Variants in KHDRBS1 observed in about 807,000 individuals in gnomAD.
KHDRBS1 encodes KH RNA binding domain containing, signal transduction associated 1.
In KHDRBS1, 7 loss-of-function variants were observed where a neutral mutation model predicts 48.4. The observed-to-expected ratio is 0.14, with a 90% CI of 0.08 to 0.27. The LOEUF is 0.27. KHDRBS1 is among the 10% of genes least tolerant of loss of function. The pLI is 1.00. For missense variants in KHDRBS1, 458 were observed against 601.2 expected (o/e 0.76, Z 2.49); for synonymous variants, 241 against 235.8 (o/e 1.02, Z -0.20).
At chr1:32,050,323 T>C (rs1356866283) in intron 10 of KHDRBS1, among the ~76,000 whole-genome samples, 1 of 152,230 alleles carries the variant, frequency 6.6e-6, no homozygotes, top group African/African-American at 2.4e-5. Flanking sequence ...TTGCAAATAT[T>C]TTCTCCCATT....
intron 1 of KHDRBS1, among the ~76,000 whole-genome samples, chr1:32,023,834 C>T (rs1222339136): frequency 3.9e-5 from 6 of 152,208 alleles, no homozygotes; most frequent in Admixed American, 3.9e-4. Flanking sequence ...CTTTAGGCCA[C>T]ATGCCAGTGT....
At chr1:32,059,163 GAGAA>G (rs1208035571) in intron 10 of KHDRBS1, among the ~76,000 whole-genome samples, 2 of 96,320 alleles carry the variant, frequency 2.1e-5, no homozygotes, top group East Asian at 6.1e-4. Flanking sequence ...TCTGTCTCAG[GAGAA>G]AAAAAAAAAA....
rs774501906 is a variant in KHDRBS1 at position 32,043,465 on chromosome 1, A to G, written c.*841A>G. ...GAGTTTGATGCAGAGCTTTTTAGCC[A>G]TGAAGAATCTTTCAGTCATAGTACT... is the stretch of plus-strand genomic sequence containing the variant. On this transcript the variant is annotated 3_prime_UTR_variant, in exon 9 of 9. Transcript: ENST00000327300. 6.6e-6 allele frequency: 1 copy of G among 152,610 alleles called. No individual in the cohort carries two copies. The highest frequency in any genetic ancestry group is 1.5e-5 in the Non-Finnish European group (1 of 68,028). The allele number at this position is 152,610 out of a possible 1,614,324, so 9.5% of individuals were successfully genotyped here. A position where few individuals can be genotyped will look rare whatever the true frequency, so the allele number is the denominator to read the frequency against.
chr1:32,030,534 A>AAGCT (rs1639061374), intron 2 of KHDRBS1, 112 bp downstream of exon 2: 9 of 861,622 alleles, frequency 1.0e-5, no homozygotes, highest in Non-Finnish European at 1.2e-5. Context: ...TAAGCCTGTG[A>AAGCT]AGCTTCTCTT....
At position 32,042,760 on chromosome 1, in the gene KHDRBS1, C is replaced by T; in HGVS notation, c.*136C>T. ...TTTTTCTTCGTGGTCCCCTTCTTCTCCCCACCTTATTCCATTCTTAACTCT... is the reference window on the plus strand; with the variant it reads ...TTTTTCTTCGTGGTCCCCTTCTTCTTCCCACCTTATTCCATTCTTAACTCT... On this transcript the variant is annotated 3_prime_UTR_variant, in exon 9 of 9. Transcript: ENST00000327300. 1.6e-6 allele frequency: 1 copy of T among 616,782 alleles called. No individual in the cohort carries two copies. The highest frequency in any genetic ancestry group is 1.9e-5 in the South Asian group (1 of 53,456). 38.2% of individuals were successfully genotyped at this position (616,782 alleles called of 1,614,324 possible).
At chr1:32,028,984 C>A (rs930710699) in intron 1 of KHDRBS1, among the ~76,000 whole-genome samples, 1 of 152,100 alleles carries the variant, frequency 6.6e-6, no homozygotes, top group Non-Finnish European at 1.5e-5. Flanking sequence ...CAGTCTGACT[C>A]GCTCTATTGT....
chr1:32,023,227 G>A (rs955437012), intron 1 of KHDRBS1, among the ~76,000 whole-genome samples: 1 of 151,998 alleles, frequency 6.6e-6, no homozygotes, highest in Non-Finnish European at 1.5e-5. Context: ...AGTGGGGGGT[G>A]GGAAAGGTTA....
At chr1:32,039,317 T>C (rs1424272104) in intron 7 of KHDRBS1, among the ~76,000 whole-genome samples, 198 bp from the exon 8 acceptor site, 2 of 152,224 alleles carry the variant, frequency 1.3e-5, no homozygotes, top group Admixed American at 6.5e-5. Flanking sequence ...CCATTTTTCT[T>C]TGCAATAGTT....
chr1:32,050,762 C>T (rs972286272), intron 10 of KHDRBS1, among the ~76,000 whole-genome samples: 20 of 151,994 alleles, frequency 1.3e-4, no homozygotes, highest in Non-Finnish European at 1.5e-5. Context: ...TCAGGCAGTC[C>T]ACCCACCTCG....
rs188861076 is a variant in KHDRBS1 at position 32,034,411 on chromosome 1, T to G, written c.771+1077T>G. Among the ~76,000 whole-genome samples, 377 of 152,002 alleles carry G rather than the reference T, an allele frequency of 2.5e-3. 2 individuals carry two copies. Among genetic ancestry groups the G allele is most frequent in the Non-Finnish European group, 4.1e-3 (281 of 67,984 alleles). The stretch of plus-strand genomic sequence containing the variant: ...AACCCTGTCTATTAAAAATACAAAA[T>G]TAGCCGGGCGTGGTGGCACATGCCT... On this transcript the variant is annotated intron_variant, in intron 4 of 8. Transcript: ENST00000327300.
chr1:32,020,948 A>G (rs1416731613), intron 1 of KHDRBS1, among the ~76,000 whole-genome samples: 3 of 150,978 alleles, frequency 2.0e-5, no homozygotes, highest in East Asian at 1.9e-4. Context: ...TGAAATCCTA[A>G]TAAAGTCAAT....
intron 3 of KHDRBS1, among the ~76,000 whole-genome samples, chr1:32,032,313 T>G (rs1424545528): frequency 6.6e-6 from 1 of 152,220 alleles, no homozygotes; most frequent in African/African-American, 2.4e-5. Context: ...AACCCTCCTT[T>G]TATGTAGTCT....
Position 32,014,068 on chromosome 1 carries a change from G to A in KHDRBS1, c.73G>A (p.Gly25Ser), listed in dbSNP as rs369015624. 91 of 1,494,750 alleles carry A rather than the reference G, an allele frequency of 6.1e-5. 1 individual carries two copies. In the East Asian group the frequency reaches 1.1e-3, roughly 19 times the overall value. 92.6% of individuals were successfully genotyped at this position (1,494,750 alleles called of 1,614,324 possible). The part of the protein sequence containing the change: ...SGRSGSMDPS[G>S]AHPSVRQTPS... ...CCGTAGCGGCTCCATGGACCCCTCC[G>A]GTGCCCACCCCTCGGTGCGTCAGAC... The change falls in exon 1 of 9, where the codon GGT becomes AGT. Residue 25 changes from glycine (G) to serine (S), a missense_variant. Transcript: ENST00000327300.
chr1:32,048,862 A>G (rs2124397007), downstream of KHDRBS1, among the ~76,000 whole-genome samples: 1 of 151,876 alleles, frequency 6.6e-6, no homozygotes, highest in Middle Eastern at 3.4e-3. Flanking sequence ...TCTTCCACCA[A>G]TCTATTTATT....
At chr1:32,041,415 T>C (rs1639280670) in intron 8 of KHDRBS1, among the ~76,000 whole-genome samples, 1 of 152,092 alleles carries the variant, frequency 6.6e-6, no homozygotes, top group South Asian at 2.1e-4. Flanking sequence ...GTGGGAAGAA[T>C]AAATTTAACG....
intron 10 of KHDRBS1, among the ~76,000 whole-genome samples, chr1:32,059,775 A>G (rs1639523965): frequency 6.6e-6 from 1 of 152,158 alleles, no homozygotes; most frequent in African/African-American, 2.4e-5. Context: ...AAAAGACTTT[A>G]AAGATTTTTG....
At position 32,014,091 on chromosome 1, in the gene KHDRBS1, G is replaced by C; in HGVS notation, c.96G>C (p.Gln32His). 1 of 1,456,940 alleles carries C rather than the reference G, an allele frequency of 6.9e-7. No homozygotes were observed. 90.3% of individuals were successfully genotyped at this position (1,456,940 alleles called of 1,614,324 possible). The change falls in exon 1 of 9, where the codon CAG (glutamine) becomes CAC (histidine). Residue 32 changes from glutamine (Q) to histidine (H), a missense_variant. Physicochemically the swap from Gln to His is conservative, Grantham distance 24. Transcript: ENST00000327300. ...DPSGAHPSVR[Q>H]TPSRQPPLPH... ...CCGGTGCCCACCCCTCGGTGCGTCA[G>C]ACGCCGTCTCGGCAGCCGCCGCTGC...
chr1:32,019,810 C>T (rs1569765909), intron 1 of KHDRBS1, among the ~76,000 whole-genome samples: 2 of 152,028 alleles, frequency 1.3e-5, no homozygotes, highest in East Asian at 1.9e-4. Context: ...CTCGCTCTGT[C>T]GCTCACGCTG....
chr1:32,016,134 C>T (rs181571012), intron 1 of KHDRBS1, among the ~76,000 whole-genome samples: 36 of 149,552 alleles, frequency 2.4e-4, no homozygotes, highest in African/African-American at 8.9e-4. Context: ...GCCCAGATTG[C>T]GCCATTACAC....
Sources: gnomAD v4.1 joint callset for allele counts (sites outside exome capture counted in the v4.1 genomes callset) on GRCh38, gnomAD v4.1.1 for gene constraint, MANE v1.5 for transcripts, NCBI Gene and HGNC (gene_info 2026-07-23, HGNC 2026-07-21) for gene names.